Variants in ADCK1 observed in about 807,000 individuals in gnomAD.
The protein encoded by ADCK1 is aarF domain containing kinase 1.
ADCK1 carries 41 observed loss-of-function variants against 52.3 expected under a neutral mutation model. The ratio of observed to expected loss-of-function variants is 0.78; its 90% CI spans 0.61 to 1.02. The LOEUF (loss-of-function observed/expected upper bound fraction) is 1.02, where lower values mean the gene tolerates loss of function less well. Ranked by LOEUF, ADCK1 falls within the 50% of genes least tolerant of loss-of-function variation. The pLI is 0.00. For missense variants in ADCK1, 658 were observed against 679.5 expected (o/e 0.97, Z 0.35); for synonymous variants, 250 against 274.6 (o/e 0.91, Z 0.89).
At chr14:77,850,913 C>T (rs1180145194) in intron 3 of ADCK1, among the ~76,000 whole-genome samples, 3 of 151,936 alleles carry the variant, frequency 2.0e-5, no homozygotes, top group Admixed American at 2.0e-4. Context: ...CCTTGGCCTC[C>T]CAAGGTGCTG....
chr14:77,917,167 G>A (rs1336541804), intron 7 of ADCK1, among the ~76,000 whole-genome samples: 2 of 152,196 alleles, frequency 1.3e-5, no homozygotes, highest in Non-Finnish European at 2.9e-5. Context: ...CGAGGCTGCA[G>A]TGAGCCATGA....
At chr14:77,865,454 GCC>G (rs2082641938) in intron 4 of ADCK1, among the ~76,000 whole-genome samples, 1 of 152,176 alleles carries the variant, frequency 6.6e-6, no homozygotes, top group Non-Finnish European at 1.5e-5. Context: ...CTGCACTCCA[GCC>G]TGGGTGACAG....
intron 3 of ADCK1, among the ~76,000 whole-genome samples, chr14:77,854,750 G>T (rs929305287): frequency 4.6e-5 from 7 of 152,074 alleles, no homozygotes; most frequent in African/African-American, 1.4e-4. Context: ...GTAGAGGCGG[G>T]GTTTCACCAT....
At chr14:77,809,552 A>C (rs528935333) in intron 1 of ADCK1, among the ~76,000 whole-genome samples, 2 of 149,744 alleles carry the variant, frequency 1.3e-5, no homozygotes, top group East Asian at 4.1e-4. Flanking sequence ...CTGGTCTTGA[A>C]CTCCTGACCT....
intron 4 of ADCK1, among the ~76,000 whole-genome samples, chr14:77,883,594 A>G (rs558681379): frequency 1.3e-5 from 2 of 152,078 alleles, no homozygotes; most frequent in Non-Finnish European, 2.9e-5. Flanking sequence ...CTAGCAATCA[A>G]TTATCATGTG....
At chr14:77,911,365 C>T (rs2083787613) in intron 7 of ADCK1, among the ~76,000 whole-genome samples, 1 of 152,142 alleles carries the variant, frequency 6.6e-6, no homozygotes, top group Non-Finnish European at 1.5e-5. Flanking sequence ...TGGGCCATTG[C>T]AAAAACCACA....
chr14:77,832,253 G>A lies in ADCK1; in HGVS notation c.219+9735G>A, dbSNP rs1007956409. Among the ~76,000 whole-genome samples, 4 of 152,320 alleles carry A rather than the reference G, an allele frequency of 2.6e-5. No homozygotes were observed. In the South Asian group the frequency reaches 8.3e-4, roughly 32 times the overall value. On this transcript the variant is annotated intron_variant, in intron 3 of 10. Transcript: ENST00000238561. ...TTGGCTGTAATCCCCAAAGTGCTGG[G>A]ATTATAGGCGTGAGCCACCGCACCT...
Position 77,933,487 on chromosome 14 carries a change from C to A in ADCK1, c.*96C>A. 2 of 1,461,976 alleles carry A rather than the reference C, an allele frequency of 1.4e-6. No individual in the cohort carries two copies. Among genetic ancestry groups the A allele is most frequent in the Non-Finnish European group, 1.9e-6 (2 of 1,055,162 alleles). The allele number at this position is 1,461,976 out of a possible 1,614,324, so 90.6% of individuals were successfully genotyped here. On this transcript the variant is annotated 3_prime_UTR_variant, in exon 11 of 11. Transcript: ENST00000238561. ...CTGCTCCATTTTTGCCACATCGTGGCCCGCAGCCCCAGAGTCACTGTCCAT... is the reference window on the plus strand; with the variant it reads ...CTGCTCCATTTTTGCCACATCGTGGACCGCAGCCCCAGAGTCACTGTCCAT...
intron 4 of ADCK1, among the ~76,000 whole-genome samples, chr14:77,865,745 C>T (rs942683825): frequency 6.6e-6 from 1 of 152,226 alleles, no homozygotes; most frequent in Non-Finnish European, 1.5e-5. Flanking sequence ...TACTTAACCT[C>T]TCTGTCCTGT....
Position 77,921,347 on chromosome 14 carries a change from AAG to A in ADCK1, c.859-3108_859-3107del, listed in dbSNP as rs1303212714. Among the ~76,000 whole-genome samples, 1,163 of 146,402 alleles carry A rather than the reference AAG, an allele frequency of 7.9e-3. 31 individuals carry two copies. The highest frequency in any genetic ancestry group is 0.014 in the Non-Finnish European group (907 of 65,974). Reference sequence around the variant, plus strand: ...GTCTCAAAAAAAAAAAAAAAAAAAAAAGAAAAAAAAGTTAAGCTACTGCATGA... The same window carrying A: ...GTCTCAAAAAAAAAAAAAAAAAAAAAAAAAAAAAGTTAAGCTACTGCATGA... On this transcript the variant is annotated intron_variant, in intron 7 of 10. Transcript: ENST00000238561.
chr14:77,862,289 C>T (rs1458616495), intron 4 of ADCK1, among the ~76,000 whole-genome samples: 2 of 152,164 alleles, frequency 1.3e-5, no homozygotes, highest in Non-Finnish European at 1.5e-5. Context: ...TCAAAAGTGA[C>T]CTCGTTCTGG....
At chr14:77,819,185 T>G (rs958401926) in intron 2 of ADCK1, 72 bp downstream of exon 2, 2 of 1,578,106 alleles carry the variant, frequency 1.3e-6, no homozygotes, top group Non-Finnish European at 1.7e-6. Context: ...ATGTAGCAGA[T>G]AGACATGCCT....
chr14:77,906,576 G>T (rs2083670772), intron 6 of ADCK1, among the ~76,000 whole-genome samples: 1 of 152,214 alleles, frequency 6.6e-6, no homozygotes, highest in Admixed American at 6.5e-5. Context: ...AAAAGAATTT[G>T]TTGTCTTCAC....
intron 2 of ADCK1, 71 bp downstream of exon 2, chr14:77,819,184 A>G (rs1469779492): frequency 3.8e-6 from 6 of 1,582,248 alleles, no homozygotes; most frequent in Non-Finnish European, 5.2e-6. Flanking sequence ...CATGTAGCAG[A>G]TAGACATGCC....
intron 3 of ADCK1, among the ~76,000 whole-genome samples, chr14:77,828,702 T>C (rs943226699): frequency 2.0e-5 from 3 of 152,164 alleles, no homozygotes; most frequent in African/African-American, 7.2e-5. Flanking sequence ...TAATTTTGTA[T>C]TTTTAGTAGA....
At chr14:77,877,255 C>T (rs1353392963) in intron 4 of ADCK1, among the ~76,000 whole-genome samples, 1 of 152,142 alleles carries the variant, frequency 6.6e-6, no homozygotes, top group Non-Finnish European at 1.5e-5. Flanking sequence ...TATTTACTTG[C>T]TTTTGGCTCC....
At position 77,875,468 on chromosome 14, in the gene ADCK1, C is replaced by T. The variant is rs573199907; in HGVS notation, c.424-11623C>T. 1.1e-4 allele frequency among the ~76,000 whole-genome samples: 16 copies of T among 148,302 alleles called. No homozygotes were observed. The East Asian group carries it at 2.2e-3, about 20-fold the overall frequency. ...CAGCATTGAGAGGCTGAACAGCCTA[C>T]GGTCCCTGGTTTCTAGATATTAAAA... On this transcript the variant is annotated intron_variant, in intron 4 of 10. Transcript: ENST00000238561.
intron 5 of ADCK1, among the ~76,000 whole-genome samples, chr14:77,890,287 G>A (rs1357052046): frequency 6.6e-6 from 1 of 152,154 alleles, no homozygotes; most frequent in African/African-American, 2.4e-5. Context: ...TGTTGTCTGG[G>A]AGCTTAACTG....
At chr14:77,905,805 C>A (rs1165448593) in intron 6 of ADCK1, among the ~76,000 whole-genome samples, 1 of 152,090 alleles carries the variant, frequency 6.6e-6, no homozygotes, top group Non-Finnish European at 1.5e-5. Flanking sequence ...CAGAATGAGA[C>A]CCTGTCTCTA....
Sources: gnomAD v4.1 joint callset for allele counts (sites outside exome capture counted in the v4.1 genomes callset) on GRCh38, gnomAD v4.1.1 for gene constraint, MANE v1.5 for transcripts, NCBI Gene and HGNC (gene_info 2026-07-23, HGNC 2026-07-21) for gene names.